MASP2: variants seen among roughly 807,000 people sequenced by gnomAD.
The protein encoded by MASP2 is MBL associated serine protease 2, also known as mannan-binding lectin serine protease 2.
A neutral mutation model predicts 57.1 loss-of-function variants in MASP2; 49 were observed. That is an observed-to-expected ratio of 0.86 (90% CI 0.68 to 1.09). The LOEUF is 1.09. Ranked by LOEUF, MASP2 falls within the 50% of genes least tolerant of loss-of-function variation. MASP2 has a pLI of 0.00. For synonymous variants in MASP2, 379 were observed against 340.8 expected, an observed-to-expected ratio of 1.11 and a Z score of -1.24; for missense variants, 900 against 874.8, an observed-to-expected ratio of 1.03 and a Z score of -0.36.
intron 6 of MASP2, among the ~76,000 whole-genome samples, chr1:11,039,589 T>G (rs150471588): frequency 1.0e-3 from 155 of 148,424 alleles, no homozygotes; most frequent in Non-Finnish European, 1.7e-3. Flanking sequence ...GCTGGAAGGA[T>G]GGATGGATGA....
intron 6 of MASP2, among the ~76,000 whole-genome samples, chr1:11,041,456 G>A (rs1337928388): frequency 7.1e-6 from 1 of 141,834 alleles, no homozygotes; most frequent in African/African-American, 2.6e-5. Flanking sequence ...AGAAGGATGG[G>A]TGGGTGCATA....
At chr1:11,037,879 T>C in intron 6 of MASP2, 68 bp from the exon 7 acceptor site, 2 of 839,704 alleles carry the variant, frequency 2.4e-6, no homozygotes, top group Non-Finnish European at 1.9e-6. Context: ...AATCGAGCCA[T>C]CTGAAGTTCT....
intron 3 of MASP2, 36 bp from the exon 4 acceptor site, chr1:11,045,575 G>A: frequency 6.3e-7 from 1 of 1,581,604 alleles, no homozygotes; most frequent in South Asian, 1.1e-5. Context: ...GCCGTCAGGA[G>A]GGAAAGAGGC....
rs545895225 is a variant in MASP2, at chr1:11,034,819, C to T, written c.1087+9G>A. 18 of 1,606,476 alleles carry T rather than the reference C, an allele frequency of 1.1e-5. No individual in the cohort carries two copies. Among genetic ancestry groups the T allele is most frequent in the East Asian group, 2.2e-5 (1 of 44,446 alleles). ...GGTTATGGGGCCTGTAGTCACCACA[C>T]GACCGTACTGCTGCACGCGGGCATT... is the stretch of plus-strand genomic sequence containing the variant. On this transcript the variant is annotated intron_variant, in intron 8 of 10. Coordinates refer to ENST00000400897, the MANE Select transcript of MASP2 (RefSeq NM_006610.4).
chr1:11,033,794 G>A (rs150990562), intron 8 of MASP2, among the ~76,000 whole-genome samples: 2 of 151,068 alleles, frequency 1.3e-5, no homozygotes, highest in Non-Finnish European at 2.9e-5. Context: ...TTAGCCGTGC[G>A]TGGTGGCATG....
chr1:11,033,184 C>T (rs1309765854), intron 8 of MASP2, among the ~76,000 whole-genome samples: 4 of 151,738 alleles, frequency 2.6e-5, no homozygotes, highest in South Asian at 4.2e-4. Context: ...CAAAATTAGC[C>T]GGGCGTGGTA....
intron 4 of MASP2, among the ~76,000 whole-genome samples, chr1:11,043,802 G>A (rs917836576): frequency 6.6e-6 from 1 of 152,074 alleles, no homozygotes; most frequent in Non-Finnish European, 1.5e-5. Context: ...CACTCGGGAT[G>A]GAGCGCACAG....
chr1:11,034,341 TGA>T (rs1643873367), intron 8 of MASP2, among the ~76,000 whole-genome samples: 1 of 148,770 alleles, frequency 6.7e-6, no homozygotes, highest in Admixed American at 6.8e-5. Context: ...AAGAATGCAC[TGA>T]GAGATGAGTA....
At chr1:11,035,034 C>T (rs1643877274) in intron 7 of MASP2, 128 bp from the exon 8 acceptor site, 1 of 624,490 alleles carries the variant, frequency 1.6e-6, no homozygotes, top group Admixed American at 3.0e-5. Context: ...TGGCAGCACA[C>T]ATGACTAGTA....
In MASP2 at chr1:11,027,467, G is replaced by A. The variant is rs1782455; in HGVS notation, c.1479C>T (p.Ser493=). The A allele has an allele frequency of 0.81, 1,301,047 of 1,613,586 alleles. 534,265 individuals are homozygous for A. The highest frequency in any genetic ancestry group is 0.87 in the East Asian group (39,003 of 44,866). ...GGGTGCCCATTCGAATGTCCAGGGC[G>A]GATGCATCATGTTTTTGCTCATAGA... is the stretch of plus-strand genomic sequence containing the variant. ...HAVYEQKHDA[S]ALDIRMGTLK... The change falls in exon 11 of 11, where the codon TCC becomes TCT. Residue 493 remains serine (S), a synonymous_variant. Transcript: ENST00000400897.
intron 3 of MASP2, chr1:11,046,023 T>C: frequency 5.3e-6 from 1 of 190,152 alleles, no homozygotes; most frequent in Non-Finnish European, 1.1e-5. Flanking sequence ...TTTTGTTTTT[T>C]GTTTTTTGAG....
intron 7 of MASP2, 57 bp downstream of exon 7, chr1:11,037,636 T>C (rs560699518): frequency 1.8e-6 from 2 of 1,086,564 alleles, no homozygotes; most frequent in South Asian, 1.5e-5. Flanking sequence ...CAGATAGAAA[T>C]ATGTTTACAT....
In MASP2 at chr1:11,046,990, C is replaced by A. The variant is rs1349689300; in HGVS notation, c.135G>T (p.Arg45=). ...FPGEYANDQE[R]RWTLTAPPGY... is the part of the protein sequence containing the mutation. ...CGGGGGGTGCAGTCAGGGTCCAGCG[C>A]CGCTCCTGGTCATTGGCATACTCCC... Residue 45 remains arginine (R), a synonymous_variant, in exon 2 of 11, where the codon CGG becomes CGT. Transcript: ENST00000400897. 2 of 1,555,748 alleles carry A rather than the reference C, an allele frequency of 1.3e-6. No homozygotes were observed. Among genetic ancestry groups the A allele is most frequent in the Non-Finnish European group, 1.7e-6 (2 of 1,149,490 alleles).
At chr1:11,044,112 A>G (rs2100903455) in intron 4 of MASP2, among the ~76,000 whole-genome samples, 1 of 152,296 alleles carries the variant, frequency 6.6e-6, no homozygotes, top group East Asian at 1.9e-4. Flanking sequence ...AGCCAAGACC[A>G]GCCAGCCCCC....
chr1:11,028,048 C>G (rs1337528402), intron 10 of MASP2, among the ~76,000 whole-genome samples: 1 of 151,872 alleles, frequency 6.6e-6, no homozygotes, highest in Non-Finnish European at 1.5e-5. Flanking sequence ...ATGGTGAGAC[C>G]CTGTCTCTAC....
chr1:11,027,596 C>T lies in MASP2; in HGVS notation c.1350G>A (p.Lys450=), dbSNP rs1034943096. 5 of 1,614,178 alleles carry T rather than the reference C, an allele frequency of 3.1e-6. No individual in the cohort carries two copies. The South Asian group carries it at 5.5e-5, about 18-fold the overall frequency. Residue 450 remains lysine, a synonymous_variant, in exon 11 of 11, where the codon AAG becomes AAA. Transcript: ENST00000400897. ...TTGGRIYGGQ[K]AKPGDFPWQV... is the part of the protein sequence containing the mutation. ...GCCAAGGAAAATCACCAGGTTTTGC[C>T]TTTTGCCCTCCATATATACGCCCTC...
At chr1:11,043,082 G>T in intron 5 of MASP2, 60 bp from the exon 6 acceptor site, 1 of 1,569,192 alleles carries the variant, frequency 6.4e-7, no homozygotes. Context: ...TGGGCCGGAG[G>T]GAAGTAACCC....
Position 11,047,213 on chromosome 1 carries a change from GC to G in MASP2, c.-7del. 6.4e-7 allele frequency: 1 copy of G among 1,561,572 alleles called. No individual in the cohort carries two copies. On this transcript the variant is annotated 5_prime_UTR_variant, in exon 1 of 11. Transcript: ENST00000400897. ...TGGGCGCCCACCTACCTCATGGTGT[GC>G]CCGTCCAGCTGGCCTGGCCTGGTCT...
chr1:11,035,335 C>T (rs1440695581), intron 7 of MASP2, among the ~76,000 whole-genome samples: 1 of 151,370 alleles, frequency 6.6e-6, no homozygotes, highest in African/African-American at 2.4e-5. Flanking sequence ...ACCAGCCTGG[C>T]CAGCATGGTG....
Sources: allele counts gnomAD v4.1 joint callset (sites outside exome capture counted in the v4.1 genomes callset), GRCh38; gene constraint gnomAD v4.1.1; transcripts MANE v1.5; gene names NCBI Gene and HGNC (gene_info 2026-07-23, HGNC 2026-07-21).